INPP4B: variants seen among roughly 807,000 people sequenced by gnomAD.
INPP4B encodes the protein inositol polyphosphate-4-phosphatase type II B.
INPP4B carries 55 observed loss-of-function variants against 122.5 expected under a neutral mutation model. The observed-to-expected ratio is 0.45, with a 90% CI of 0.36 to 0.56. The LOEUF (loss-of-function observed/expected upper bound fraction) is 0.56, where lower values mean the gene tolerates loss of function less well. Ranked by LOEUF, INPP4B falls within the 20% of genes least tolerant of loss-of-function variation. The pLI is 0.00. For synonymous variants in INPP4B, 403 were observed against 388.7 expected, an observed-to-expected ratio of 1.04 and a Z score of -0.43; for missense variants, 1,000 against 1,097.7, an observed-to-expected ratio of 0.91 and a Z score of 1.26.
chr4:142,450,224 G>T (rs952643705), intron 3 of INPP4B, among the ~76,000 whole-genome samples: 5 of 152,154 alleles, frequency 3.3e-5, no homozygotes, highest in Non-Finnish European at 7.3e-5. Context: ...TACCTCTGGG[G>T]CTAAACAGAG....
chr4:142,166,116 T>C (rs1822587463), intron 16 of INPP4B, among the ~76,000 whole-genome samples: 1 of 151,780 alleles, frequency 6.6e-6, no homozygotes, highest in Non-Finnish European at 1.5e-5. Flanking sequence ...ATACAAATCC[T>C]TTAACATATG....
intron 9 of INPP4B, among the ~76,000 whole-genome samples, chr4:142,291,972 C>T (rs1756672941): frequency 6.6e-6 from 1 of 152,098 alleles, no homozygotes; most frequent in Admixed American, 6.5e-5. Flanking sequence ...TTAACATTCC[C>T]TCTCCCTGGA....
chr4:142,754,075 A>G (rs1252678256), intron 1 of INPP4B, among the ~76,000 whole-genome samples: 1 of 152,078 alleles, frequency 6.6e-6, no homozygotes, highest in African/African-American at 2.4e-5. Context: ...TGCAATTCCA[A>G]GTAAGTTTGT....
intron 7 of INPP4B, 36 bp downstream of exon 7, chr4:142,402,902 T>G (rs754834134): frequency 9.2e-7 from 1 of 1,083,722 alleles, no homozygotes; most frequent in South Asian, 1.3e-5. Flanking sequence ...AAAGCATAAC[T>G]TTTTCCCAAA....
intron 1 of INPP4B, among the ~76,000 whole-genome samples, chr4:142,779,400 A>G (rs757921754): frequency 1.3e-5 from 2 of 152,148 alleles, no homozygotes; most frequent in Non-Finnish European, 2.9e-5. Flanking sequence ...TGGAGTTTAC[A>G]TGAATTCATA....
At chr4:142,509,042 C>G (rs1215372179) in intron 2 of INPP4B, among the ~76,000 whole-genome samples, 2 of 152,254 alleles carry the variant, frequency 1.3e-5, no homozygotes, top group East Asian at 3.9e-4. Flanking sequence ...CAAAAGCCAG[C>G]AACTGATAAA....
chr4:142,493,652 A>G (rs1164551244), intron 2 of INPP4B, among the ~76,000 whole-genome samples: 1 of 152,130 alleles, frequency 6.6e-6, no homozygotes. Flanking sequence ...AAAGGTCTGT[A>G]TTTACTCAAT....
intron 2 of INPP4B, among the ~76,000 whole-genome samples, chr4:142,665,493 CAAAA>C (rs11417876): frequency 9.3e-6 from 1 of 107,786 alleles, no homozygotes. Flanking sequence ...GACTCTGTCT[CAAAA>C]AAAAAAAAAA....
intron 2 of INPP4B, among the ~76,000 whole-genome samples, chr4:142,697,595 C>T (rs541198244): frequency 5.4e-4 from 82 of 152,178 alleles, no homozygotes; most frequent in Non-Finnish European, 8.8e-4. Context: ...TATGATTAAA[C>T]GATAGGAACT....
At chr4:142,640,387 T>C (rs541079602) in intron 2 of INPP4B, among the ~76,000 whole-genome samples, 2 of 152,196 alleles carry the variant, frequency 1.3e-5, no homozygotes, top group South Asian at 4.1e-4. Context: ...ATAATTAATA[T>C]ATGGATAGTT....
chr4:142,160,957 GTATTT>G (rs1299554006), intron 16 of INPP4B, among the ~76,000 whole-genome samples: 5 of 151,846 alleles, frequency 3.3e-5, no homozygotes, highest in South Asian at 2.1e-4. Flanking sequence ...CAGTCTATGT[GTATTT>G]TATTAAAACC....
intron 2 of INPP4B, among the ~76,000 whole-genome samples, chr4:142,561,693 A>G (rs1021090506): frequency 6.6e-6 from 1 of 152,202 alleles, no homozygotes; most frequent in Non-Finnish European, 1.5e-5. Flanking sequence ...TGCTGGGATT[A>G]CAGGCGTGAG....
Position 142,367,980 on chromosome 4 carries a change from T to C in INPP4B, c.372+34958A>G, listed in dbSNP as rs573595688. 2.6e-5 allele frequency among the ~76,000 whole-genome samples: 4 copies of C among 152,252 alleles called. No individual in the cohort carries two copies. The South Asian group carries it at 8.3e-4, about 32-fold the overall frequency. ...CAAATGTGCCTATCACCCAGTGTATTTCCTGTCCCTCCGTATTAAGAAACA... is the reference window on the plus strand; with the variant it reads ...CAAATGTGCCTATCACCCAGTGTATCTCCTGTCCCTCCGTATTAAGAAACA... On this transcript the variant is annotated intron_variant, in intron 7 of 25. Transcript: ENST00000262992.
At chr4:142,538,223 C>G (rs1828520161) in intron 2 of INPP4B, among the ~76,000 whole-genome samples, 1 of 152,046 alleles carries the variant, frequency 6.6e-6, no homozygotes, top group African/African-American at 2.4e-5. Flanking sequence ...AAACACAGAA[C>G]ATATTCAACA....
At chr4:142,441,939 C>A (rs1429853873) in intron 3 of INPP4B, among the ~76,000 whole-genome samples, 1 of 151,050 alleles carries the variant, frequency 6.6e-6, no homozygotes, top group Non-Finnish European at 1.5e-5. Context: ...AAGGCAAAAT[C>A]CAGGTGGTAC....
chr4:142,544,475 G>T (rs4975315), intron 2 of INPP4B, among the ~76,000 whole-genome samples: 1 of 151,988 alleles, frequency 6.6e-6, no homozygotes, highest in Non-Finnish European at 1.5e-5. Flanking sequence ...CCCAAGTCAC[G>T]GGGTTGCCAT....
intron 5 of INPP4B, among the ~76,000 whole-genome samples, chr4:142,419,687 A>G (rs1201099904): frequency 6.6e-6 from 1 of 152,178 alleles, no homozygotes; most frequent in African/African-American, 2.4e-5. Flanking sequence ...ACTGTTTTGT[A>G]CAATAGAAAT....
intron 2 of INPP4B, among the ~76,000 whole-genome samples, chr4:142,665,758 A>G (rs1251725133): frequency 6.6e-6 from 1 of 152,012 alleles, no homozygotes; most frequent in Non-Finnish European, 1.5e-5. Flanking sequence ...AAAATAACTA[A>G]TGTCATATTT....
chr4:142,298,953 A>T (rs1195169238), intron 9 of INPP4B, among the ~76,000 whole-genome samples: 1 of 151,990 alleles, frequency 6.6e-6, no homozygotes, highest in African/African-American at 2.4e-5. Flanking sequence ...AACCCATCAT[A>T]AACTCCAAAG....
Sources: gnomAD v4.1 joint callset for allele counts (sites outside exome capture counted in the v4.1 genomes callset) on GRCh38, gnomAD v4.1.1 for gene constraint, MANE v1.5 for transcripts, NCBI Gene and HGNC (gene_info 2026-07-23, HGNC 2026-07-21) for gene names.